SEMA5A: variants seen among roughly 807,000 people sequenced by gnomAD.
SEMA5A encodes semaphorin 5A.
In SEMA5A, 55 loss-of-function variants were observed where a neutral mutation model predicts 135.5. That is an observed-to-expected ratio of 0.41 (90% CI 0.33 to 0.51). The LOEUF (loss-of-function observed/expected upper bound fraction) is 0.51, where lower values mean the gene tolerates loss of function less well. Among genes scored for constraint, SEMA5A ranks in the 20% least tolerant of loss-of-function variants. The pLI is 0.37. For synonymous variants in SEMA5A, 580 were observed against 546.5 expected (o/e 1.06, Z -0.85); for missense variants, 1,290 against 1,419.9 (o/e 0.91, Z 1.47).
At chr5:9,365,099 G>A (rs574796828) in intron 3 of SEMA5A, among the ~76,000 whole-genome samples, 5 of 152,108 alleles carry the variant, frequency 3.3e-5, no homozygotes, top group Non-Finnish European at 5.9e-5. Context: ...CATATATAAG[G>A]ATACCCATTT....
intron 3 of SEMA5A, among the ~76,000 whole-genome samples, chr5:9,362,621 T>G (rs1754746809): frequency 6.6e-6 from 1 of 152,142 alleles, no homozygotes; most frequent in African/African-American, 2.4e-5. Context: ...AAAATATAAT[T>G]TAAACTACTA....
intron 11 of SEMA5A, among the ~76,000 whole-genome samples, chr5:9,177,922 C>G (rs1744289230): frequency 6.6e-6 from 1 of 152,174 alleles, no homozygotes; most frequent in Non-Finnish European, 1.5e-5. Flanking sequence ...AGTATAATTT[C>G]AGTTCTATCT....
chr5:9,049,690 G>A (rs1736461754), intron 21 of SEMA5A, among the ~76,000 whole-genome samples: 1 of 152,192 alleles, frequency 6.6e-6, no homozygotes, highest in Admixed American at 6.5e-5. Flanking sequence ...CATTGGCTCG[G>A]ATTCTGAAAG....
At position 9,325,968 on chromosome 5, in the gene SEMA5A, A is replaced by G. The variant is rs114378602; in HGVS notation, c.225-7551T>C. Among the ~76,000 whole-genome samples, 1,126 of 152,328 alleles carry G rather than the reference A, an allele frequency of 7.4e-3. 9 individuals are homozygous for G. The highest frequency in any genetic ancestry group is 0.026 in the African/African-American group (1,082 of 41,576). Reference sequence around the variant, plus strand: ...TAAAATGTATAAAGACATTTTAACAATGTTGACAGAAACGTTTGTTGCTGA... The same window carrying G: ...TAAAATGTATAAAGACATTTTAACAGTGTTGACAGAAACGTTTGTTGCTGA... On this transcript the variant is annotated intron_variant, in intron 4 of 22. Coordinates refer to ENST00000382496, the MANE Select transcript of SEMA5A (RefSeq NM_003966.3).
chr5:9,498,422 G>A (rs891051376), intron 1 of SEMA5A: 26 of 151,932 alleles, frequency 1.7e-4, no homozygotes, highest in Admixed American at 1.4e-3. Context: ...ACTTTATTTC[G>A]GTTCAGAAAT....
At chr5:9,417,213 T>C (rs1475338249) in intron 2 of SEMA5A, among the ~76,000 whole-genome samples, 2 of 152,360 alleles carry the variant, frequency 1.3e-5, no homozygotes, top group East Asian at 1.9e-4. Flanking sequence ...GAAGTTTTAC[T>C]AGAATAAATA....
At chr5:9,195,738 CA>C (rs1351072996) in intron 10 of SEMA5A, among the ~76,000 whole-genome samples, 1 of 152,190 alleles carries the variant, frequency 6.6e-6, no homozygotes, top group Non-Finnish European at 1.5e-5. Flanking sequence ...AAGACAACAA[CA>C]AACACAAAAC....
Position 9,044,358 on chromosome 5 carries a change from T to C in SEMA5A, c.3105+15A>G. The C allele has an allele frequency of 1.2e-6, 2 of 1,606,854 alleles. No individual in the cohort carries two copies. Among genetic ancestry groups the C allele is most frequent in the East Asian group, 2.2e-5 (1 of 44,844 alleles). On this transcript the variant is annotated intron_variant, in intron 22 of 22. Transcript: ENST00000382496. ...GAAAACCAGGCACTTAGCAGAAATA[T>C]TAAAATTCACTTACCTTGATGGCCT...
chr5:9,208,431 C>A (rs1746167866), intron 8 of SEMA5A, among the ~76,000 whole-genome samples: 1 of 152,114 alleles, frequency 6.6e-6, no homozygotes, highest in South Asian at 2.1e-4. Flanking sequence ...ATAGACACAG[C>A]CCGTGCCCTC....
chr5:9,515,645 G>A (rs1034181518), intron 1 of SEMA5A, among the ~76,000 whole-genome samples: 2 of 152,176 alleles, frequency 1.3e-5, no homozygotes, highest in African/African-American at 4.8e-5. Flanking sequence ...AGTCCAAAGG[G>A]TAATGCAGCT....
intron 16 of SEMA5A, among the ~76,000 whole-genome samples, chr5:9,070,667 G>A (rs564673921): frequency 6.6e-6 from 1 of 152,250 alleles, no homozygotes; most frequent in Admixed American, 6.5e-5. Flanking sequence ...CACAGCTCAC[G>A]GCTAAGAAAG....
intron 12 of SEMA5A, among the ~76,000 whole-genome samples, chr5:9,149,832 G>A (rs538991228): frequency 6.6e-6 from 1 of 152,216 alleles, no homozygotes; most frequent in South Asian, 2.1e-4. Flanking sequence ...CAGGTCCTGT[G>A]GCTGCTCTTT....
chr5:9,180,461 G>C (rs1416147452), intron 11 of SEMA5A, among the ~76,000 whole-genome samples: 2 of 151,942 alleles, frequency 1.3e-5, no homozygotes, highest in Non-Finnish European at 2.9e-5. Context: ...GACTTGGTTT[G>C]GATTTATAAT....
chr5:9,369,611 A>G (rs974075596), intron 3 of SEMA5A, among the ~76,000 whole-genome samples: 2 of 152,058 alleles, frequency 1.3e-5, no homozygotes, highest in African/African-American at 4.8e-5. Context: ...TTTCTCATTG[A>G]TTTACCATAG....
At chr5:9,542,927 G>A (rs987719046) in intron 1 of SEMA5A, among the ~76,000 whole-genome samples, 5 of 152,124 alleles carry the variant, frequency 3.3e-5, no homozygotes, top group Admixed American at 3.3e-4. Flanking sequence ...CTCTTGGCTG[G>A]ACATTTAGTA....
Position 9,449,009 on chromosome 5 carries a change from C to G in SEMA5A, c.-174-11157G>C, listed in dbSNP as rs970337842. 2.0e-5 allele frequency among the ~76,000 whole-genome samples: 3 copies of G among 152,184 alleles called. No individual in the cohort carries two copies. The East Asian group carries it at 5.8e-4, about 29-fold the overall frequency. ...ATTCAACCATTTGGAAGACAGGTGG[C>G]GATTCCTCAAAGACCTAGAGGCAGA... On this transcript the variant is annotated intron_variant, in intron 1 of 22. Coordinates refer to ENST00000382496, the MANE Select transcript of SEMA5A (RefSeq NM_003966.3).
intron 4 of SEMA5A, among the ~76,000 whole-genome samples, chr5:9,332,950 T>C (rs1374777648): frequency 6.6e-6 from 1 of 152,208 alleles, no homozygotes; most frequent in Non-Finnish European, 1.5e-5. Flanking sequence ...GACTCACAGG[T>C]ATTTGTTTGA....
At position 9,328,609 on chromosome 5, in the gene SEMA5A, T is replaced by C. The variant is rs184127400; in HGVS notation, c.224+9104A>G. Among the ~76,000 whole-genome samples the C allele has an allele frequency of 8.6e-4, 131 of 152,168 alleles. 1 individual carries two copies. The highest frequency in any genetic ancestry group is 3.0e-3 in the African/African-American group (124 of 41,494). ...GCCTGGCCAACATAGTAAAACCCTG[T>C]CTCCACTAAAAATACAATTAGCCGG... On this transcript the variant is annotated intron_variant, in intron 4 of 22. Coordinates refer to ENST00000382496, the MANE Select transcript of SEMA5A (RefSeq NM_003966.3).
chr5:9,337,823 A>T lies in SEMA5A; in HGVS notation c.125-11T>A. On this transcript the variant is annotated splice_polypyrimidine_tract_variant and intron_variant, in intron 3 of 22. Transcript: ENST00000382496. ...ACCAGGGGCCAATTTCTAAATAGAA[A>T]AAATAAATAAATAAAAAGATAAAAA... 2.0e-6 allele frequency: 3 copies of T among 1,537,484 alleles called. No homozygotes were observed. Among genetic ancestry groups the T allele is most frequent in the South Asian group, 1.2e-5 (1 of 84,646 alleles).
Sources: gnomAD v4.1 joint callset for allele counts (sites outside exome capture counted in the v4.1 genomes callset) on GRCh38, gnomAD v4.1.1 for gene constraint, MANE v1.5 for transcripts, NCBI Gene and HGNC (gene_info 2026-07-23, HGNC 2026-07-21) for gene names.